The following BACH2 variants were observed in gnomAD, a reference collection of about 807,000 sequenced individuals.
The protein encoded by BACH2 is BACH transcriptional regulator 2, also known as transcription regulator protein BACH2.
A neutral mutation model predicts 61.8 loss-of-function variants in BACH2; 5 were observed. The ratio of observed to expected loss-of-function variants is 0.08; its 90% CI spans 0.04 to 0.17. The LOEUF (loss-of-function observed/expected upper bound fraction) is 0.17, where lower values mean the gene tolerates loss of function less well. Ranked by LOEUF, BACH2 falls within the 10% of genes least tolerant of loss-of-function variation. The probability of loss-of-function intolerance (pLI) is 1.00; values close to 1 mark genes in which losing one functional copy is unlikely to be tolerated. For synonymous variants in BACH2, 446 were observed against 440.1 expected (o/e 1.01, Z -0.17); for missense variants, 824 against 1,091.1 (o/e 0.76, Z 3.45).
chr6:90,116,936 T>C (rs1263879863), intron 4 of BACH2: 2 of 436,876 alleles, frequency 4.6e-6, no homozygotes, highest in East Asian at 5.5e-5. Flanking sequence ...TCCAAGTACA[T>C]GTGCAGCTTC....
In BACH2 at chr6:90,175,980, C is replaced by T. The variant is rs1341337069; in HGVS notation, c.-162+30589G>A. ...TAGCAATTCTAAACTGTTAACCCTGCCCTGCCTTGCCTTTCCCTTGGAAAC... is the reference window on the plus strand; with the variant it reads ...TAGCAATTCTAAACTGTTAACCCTGTCCTGCCTTGCCTTTCCCTTGGAAAC... On this transcript the variant is annotated intron_variant, in intron 4 of 8. Transcript: ENST00000257749. 3.9e-5 allele frequency among the ~76,000 whole-genome samples: 6 copies of T among 152,314 alleles called. No individual in the cohort carries two copies. The East Asian group carries it at 9.7e-4, about 25-fold the overall frequency.
intron 4 of BACH2, among the ~76,000 whole-genome samples, chr6:90,101,481 T>A (rs1259118843): frequency 3.9e-5 from 6 of 152,248 alleles, no homozygotes; most frequent in Middle Eastern, 3.2e-3. Flanking sequence ...TGGCACTATA[T>A]GTTGAAAAGA....
Position 89,930,057 on chromosome 6 carries a change from A to T in BACH2, c.*2351T>A, listed in dbSNP as rs1772551555. On this transcript the variant is annotated 3_prime_UTR_variant, in exon 9 of 9. Transcript: ENST00000257749. ...CTGTCCTAGTAGGCCAAGAAATTCC[A>T]ACAACCATAACAAAAACCAGCAGCT... 6.6e-6 allele frequency: 1 copy of T among 150,982 alleles called. No homozygotes were observed. Among genetic ancestry groups the T allele is most frequent in the African/African-American group, 2.5e-5 (1 of 40,768 alleles). 9.4% of individuals were successfully genotyped at this position (150,982 alleles called of 1,614,324 possible).
intron 5 of BACH2, among the ~76,000 whole-genome samples, chr6:90,025,970 T>G (rs1778613808): frequency 6.6e-6 from 1 of 152,176 alleles, no homozygotes; most frequent in East Asian, 1.9e-4. Flanking sequence ...GATTTGTACC[T>G]AGTGCACAGT....
intron 4 of BACH2, among the ~76,000 whole-genome samples, chr6:90,150,895 G>T (rs1008711302): frequency 2.8e-4 from 42 of 152,186 alleles, no homozygotes; most frequent in African/African-American, 4.8e-5. Context: ...CAGCGGTGTT[G>T]CCTAAAGCAA....
intron 5 of BACH2, among the ~76,000 whole-genome samples, chr6:90,060,474 T>G (rs1212714066): frequency 6.6e-6 from 1 of 152,178 alleles, no homozygotes; most frequent in East Asian, 1.9e-4. Flanking sequence ...AGGTTTTCTT[T>G]AGCTCTTTTT....
chr6:90,107,903 A>T (rs1782996102), intron 4 of BACH2, among the ~76,000 whole-genome samples: 1 of 152,176 alleles, frequency 6.6e-6, no homozygotes, highest in Non-Finnish European at 1.5e-5. Context: ...AAACTAACTC[A>T]GTAAACAATA....
chr6:89,994,676 A>G (rs1776752380), intron 6 of BACH2, among the ~76,000 whole-genome samples: 1 of 152,206 alleles, frequency 6.6e-6, no homozygotes, highest in African/African-American at 2.4e-5. Flanking sequence ...TGAAATCACA[A>G]GCAAAGCCAT....
intron 3 of BACH2, among the ~76,000 whole-genome samples, chr6:90,242,678 T>C (rs1770492618): frequency 6.6e-6 from 1 of 152,224 alleles, no homozygotes; most frequent in African/African-American, 2.4e-5. Flanking sequence ...AAAGCAGTTG[T>C]ACCAATCTAT....
At chr6:90,007,486 T>G (rs535803613) in intron 6 of BACH2, among the ~76,000 whole-genome samples, 22 of 152,268 alleles carry the variant, frequency 1.4e-4, no homozygotes, top group African/African-American at 5.1e-4. Flanking sequence ...TTGTTGAATT[T>G]AGATGCCTTT....
chr6:90,164,712 A>C (rs922747814), intron 4 of BACH2, among the ~76,000 whole-genome samples: 13 of 152,304 alleles, frequency 8.5e-5, no homozygotes, highest in African/African-American at 2.6e-4. Flanking sequence ...AAGCTTATCC[A>C]CCATGATCAA....
At chr6:90,247,598 TA>T (rs1770680055) in intron 3 of BACH2, among the ~76,000 whole-genome samples, 1 of 152,182 alleles carries the variant, frequency 6.6e-6, no homozygotes, top group African/African-American at 2.4e-5. Context: ...TTAAGGTAAT[TA>T]AAATCAACTT....
At chr6:90,225,995 G>A (rs1769899987) in intron 3 of BACH2, among the ~76,000 whole-genome samples, 1 of 152,174 alleles carries the variant, frequency 6.6e-6, no homozygotes. Context: ...AAATGCTAGA[G>A]AGGCACCCAG....
intron 1 of BACH2, among the ~76,000 whole-genome samples, chr6:90,292,100 C>T (rs1582573635): frequency 6.6e-6 from 1 of 152,312 alleles, no homozygotes; most frequent in East Asian, 1.9e-4. Context: ...CACAGTCCTA[C>T]ACCATGCCCA....
intron 3 of BACH2, among the ~76,000 whole-genome samples, chr6:90,224,655 G>A (rs1769851187): frequency 2.0e-5 from 3 of 152,122 alleles, no homozygotes; most frequent in Non-Finnish European, 4.4e-5. Flanking sequence ...ATAAAACATA[G>A]TTTAAAATAT....
Position 90,244,103 on chromosome 6 carries a change from G to A in BACH2, c.-275+8410C>T, listed in dbSNP as rs534744934. 2.0e-4 allele frequency among the ~76,000 whole-genome samples: 30 copies of A among 152,110 alleles called. No individual in the cohort carries two copies. In the South Asian group the frequency reaches 6.0e-3, roughly 31 times the overall value. ...CACCCGGCTAATTTTTGCAATTTTAGTAGGGACAGGGTTTCACCATGTTGG... is the reference window on the plus strand; with the variant it reads ...CACCCGGCTAATTTTTGCAATTTTAATAGGGACAGGGTTTCACCATGTTGG... On this transcript the variant is annotated intron_variant, in intron 3 of 8. Coordinates refer to ENST00000257749, the MANE Select transcript of BACH2 (RefSeq NM_021813.4).
At chr6:90,124,903 C>G (rs1225501732) in intron 4 of BACH2, among the ~76,000 whole-genome samples, 1 of 152,222 alleles carries the variant, frequency 6.6e-6, no homozygotes, top group African/African-American at 2.4e-5. Flanking sequence ...CCCTCACACT[C>G]TTGCCAACAC....
intron 6 of BACH2, among the ~76,000 whole-genome samples, chr6:89,954,673 C>A (rs1774328414): frequency 6.6e-6 from 1 of 151,936 alleles, no homozygotes; most frequent in East Asian, 1.9e-4. Context: ...CACATGGCTG[C>A]AAGGAGCTGG....
At chr6:90,128,354 G>A (rs888234991) in intron 4 of BACH2, among the ~76,000 whole-genome samples, 2 of 152,256 alleles carry the variant, frequency 1.3e-5, no homozygotes, top group Admixed American at 1.3e-4. Context: ...AGGCCGAGGC[G>A]GGTGGATCAC....
Sources: allele counts gnomAD v4.1 joint callset (sites outside exome capture counted in the v4.1 genomes callset), GRCh38; gene constraint gnomAD v4.1.1; transcripts MANE v1.5; gene names NCBI Gene and HGNC (gene_info 2026-07-23, HGNC 2026-07-21).